The following CRELD2 variants were observed in gnomAD, a reference collection of about 807,000 sequenced individuals.
CRELD2 encodes the protein protein disulfide isomerase CRELD2.
Under a neutral mutation model 48.1 loss-of-function variants are expected in CRELD2, and 33 were observed. The observed-to-expected ratio is 0.69, with a 90% CI of 0.52 to 0.92. CRELD2 has a LOEUF of 0.92. CRELD2 is among the 40% of genes least tolerant of loss of function. CRELD2 has a pLI of 0.00. For synonymous variants in CRELD2, 220 were observed against 203.9 expected (o/e 1.08, Z -0.67); for missense variants, 477 against 482.4 (o/e 0.99, Z 0.10).
chr22:49,919,175 C>A (rs905187509), intron 1 of CRELD2, 55 bp from the exon 2 acceptor site: 84 of 1,565,054 alleles, frequency 5.4e-5, no homozygotes, highest in Admixed American at 1.0e-4. Context: ...GGCTCGCCCC[C>A]ACCCTGGACC....
chr22:49,919,804 C>T lies in CRELD2; in HGVS notation c.287C>T (p.Ala96Val), dbSNP rs149112831. 18,857 of 1,612,522 alleles carry T rather than the reference C, an allele frequency of 0.012. 370 individuals are homozygous for T. The highest frequency in any genetic ancestry group is 0.067 in the South Asian group (6,111 of 90,704). The change falls in exon 3 of 10, where the codon GCG (alanine) becomes GTG (valine). Residue 96 changes from alanine to valine, a missense_variant. Coordinates refer to ENST00000328268, the MANE Select transcript of CRELD2 (RefSeq NM_024324.5). ...SDFECNQMLE[A>V]QEEHLEAWWL... ...TTCGAATGCAATCAGATGCTAGAGG[C>T]GCAGGAGGAGCACCTGGAGGCCTGG...
chr22:49,923,063 C>A (rs992410605), intron 6 of CRELD2, 171 bp from the exon 7 acceptor site: 3 of 602,448 alleles, frequency 5.0e-6, no homozygotes, highest in Non-Finnish European at 8.7e-6. Context: ...TCCCCTGCCG[C>A]GTGGGGCCTC....
chr22:49,920,805 C>A (rs1448406975), intron 4 of CRELD2, among the ~76,000 whole-genome samples: 2 of 152,248 alleles, frequency 1.3e-5, no homozygotes, highest in Non-Finnish European at 2.9e-5. Context: ...GCAGAAGTTT[C>A]AGGTTCAGAC....
Position 49,925,484 on chromosome 22 carries a change from AG to A in CRELD2, c.939del (p.Ser314AlafsTer102), listed in dbSNP as rs751705166. The A allele has an allele frequency of 1.2e-5, 19 of 1,614,042 alleles. No individual in the cohort carries two copies. Among genetic ancestry groups the A allele is most frequent in the Non-Finnish European group, 1.5e-5 (18 of 1,180,014 alleles). The part of the protein sequence containing the change: ...RKNENCYNTP[G>X]SYVCVCPDGF... ...AAAACGAAAACTGCTACAATACTCC[AG>A]GGAGCTACGTCTGTGTGTGTCCTGA... is the stretch of plus-strand genomic sequence containing the variant. On this transcript the variant is annotated frameshift_variant, in exon 9 of 10. Transcript: ENST00000328268. LOFTEE classifies it high-confidence loss of function.
At chr22:49,919,978 T>G (rs2060664587) in intron 3 of CRELD2, 138 bp downstream of exon 3, 1 of 810,374 alleles carries the variant, frequency 1.2e-6, no homozygotes, top group African/African-American at 1.7e-5. Context: ...GCATTACCGT[T>G]TTTTATCACC....
Position 49,919,244 on chromosome 22 carries a change from C to T in CRELD2, c.144C>T (p.Thr48=). 6.2e-7 allele frequency: 1 copy of T among 1,613,710 alleles called. No individual in the cohort carries two copies. The highest frequency in any genetic ancestry group is 8.5e-7 in the Non-Finnish European group (1 of 1,179,984). The change falls in exon 2 of 10, where the codon ACC becomes ACT. Residue 48 remains threonine (T), a synonymous_variant. Transcript: ENST00000328268. ...TCTCCTCGCAGGGGATGGTGGACAC[C>T]GCAAAGAAGAACTTTGGCGGCGGGA... The part of the protein sequence containing the change: ...VDKFNQGMVD[T]AKKNFGGGNT...
Position 49,925,636 on chromosome 22 carries a change from T to C in CRELD2, c.1009+79T>C, listed in dbSNP as rs759361571. 21 of 1,592,766 alleles carry C rather than the reference T, an allele frequency of 1.3e-5. No homozygotes were observed. The East Asian group carries it at 4.3e-4, about 32-fold the overall frequency. On this transcript the variant is annotated intron_variant, in intron 9 of 9. Coordinates refer to ENST00000328268, the MANE Select transcript of CRELD2 (RefSeq NM_024324.5). ...TTGCACGTAGACTGGCTGCTTGGTC[T>C]GAAATCCACACAGATGGTGGCCTTG...
chr22:49,918,809 C>T lies in CRELD2; in HGVS notation c.40C>T (p.Leu14Phe), dbSNP rs1480913584. Residue 14 changes from leucine (L) to phenylalanine (F), a missense_variant, in exon 1 of 10, where the codon CTT becomes TTT. Leu to Phe is a conservative substitution (Grantham distance 22). Transcript: ENST00000328268. ...CCGGGCCGCGCTGGGGCTCCTGCCG[C>T]TTCTGCTGCTGCTGCCGCCCGCGCC... is the stretch of plus-strand genomic sequence containing the variant. ...PRRAALGLLP[L>F]LLLLPPAPEA... 23 of 1,332,498 alleles carry T rather than the reference C, an allele frequency of 1.7e-5. No homozygotes were observed. In the African/African-American group the frequency reaches 1.8e-4, roughly 11 times the overall value. 82.5% of individuals were successfully genotyped at this position (1,332,498 alleles called of 1,614,324 possible). A position where few individuals can be genotyped will look rare whatever the true frequency, so the allele number is the denominator to read the frequency against.
rs200229316 is a variant in CRELD2 at position 49,920,143 on chromosome 22, C to T, written c.324-13C>T. 175 of 1,573,670 alleles carry T rather than the reference C, an allele frequency of 1.1e-4. No homozygotes were observed. The African/African-American group carries it at 2.2e-3, about 19-fold the overall frequency. On this transcript the variant is annotated splice_polypyrimidine_tract_variant and intron_variant, in intron 3 of 9. Coordinates refer to ENST00000328268, the MANE Select transcript of CRELD2 (RefSeq NM_024324.5). Reference sequence around the variant, plus strand: ...TCTGCTGGGATTCAGTGAATGTTTTCCTCCATCCTCAGGAAGAGCGAATAT... The same window carrying T: ...TCTGCTGGGATTCAGTGAATGTTTTTCTCCATCCTCAGGAAGAGCGAATAT...
chr22:49,923,637 G>T, intron 7 of CRELD2: 1 of 482,900 alleles, frequency 2.1e-6, no homozygotes, highest in Non-Finnish European at 3.8e-6. Flanking sequence ...TTTCCACTCA[G>T]CAGCTTGTTG....
At position 49,925,544 on chromosome 22, in the gene CRELD2, G is replaced by T; in HGVS notation, c.996G>T (p.Pro332=). Residue 332 remains proline, a synonymous_variant, in exon 9 of 10, where the codon CCG becomes CCT. Transcript: ENST00000328268. The part of the protein sequence containing the change: ...GFEETEDACV[P]PAEAEATEGE... ...AAGAAACGGAAGATGCCTGTGTGCC[G>T]CCGGCAGAGGCTGGTGAGTGGCACG... is the stretch of plus-strand genomic sequence containing the variant. 6.2e-7 allele frequency: 1 copy of T among 1,613,628 alleles called. No homozygotes were observed. The highest frequency in any genetic ancestry group is 8.5e-7 in the Non-Finnish European group (1 of 1,179,990).
intron 3 of CRELD2, 90 bp downstream of exon 3, chr22:49,919,930 T>A: frequency 9.5e-7 from 1 of 1,055,220 alleles, no homozygotes; most frequent in Non-Finnish European, 1.4e-6. Context: ...ACAGGAACAG[T>A]AGGGAGCTCC....
chr22:49,925,416 G>A lies in CRELD2; in HGVS notation c.869-1G>A. 3 of 1,586,086 alleles carry A rather than the reference G, an allele frequency of 1.9e-6. No homozygotes were observed. The highest frequency in any genetic ancestry group is 2.6e-6 in the Non-Finnish European group (3 of 1,159,478). The stretch of plus-strand genomic sequence containing the variant: ...ATTAAAACGGAGTCTTTTCATTTTA[G>A]ATGTGGACGAGTGCTCACTAGCAGA... On this transcript the variant is annotated splice_acceptor_variant, in intron 8 of 9. Transcript: ENST00000328268. LOFTEE classifies it high-confidence loss of function.
intron 4 of CRELD2, 185 bp from the exon 5 acceptor site, chr22:49,921,400 G>A: frequency 1.6e-6 from 1 of 636,306 alleles, no homozygotes; most frequent in East Asian, 2.8e-5. Flanking sequence ...GCTCCACTCA[G>A]GCGATCCACC....
chr22:49,919,335 G>T (rs1409328538), intron 2 of CRELD2, 23 bp downstream of exon 2: 1 of 1,604,878 alleles, frequency 6.2e-7, no homozygotes, highest in East Asian at 2.2e-5. Flanking sequence ...GAGCACCCCT[G>T]TGGGTCTTGG....
At position 49,923,879 on chromosome 22, in the gene CRELD2, A is replaced by T. The variant is rs538380887; in HGVS notation, c.773-481A>T. The T allele has an allele frequency of 1.7e-5, 4 of 241,718 alleles. No homozygotes were observed. In the East Asian group the frequency reaches 5.0e-4, roughly 30 times the overall value. The allele number at this position is 241,718 out of a possible 1,614,324, so 15.0% of individuals were successfully genotyped here. A position where few individuals can be genotyped will look rare whatever the true frequency, so the allele number is the denominator to read the frequency against. On this transcript the variant is annotated intron_variant, in intron 7 of 9. Transcript: ENST00000328268. ...TCTTTTAGAGCCATAGTGCCCCAGA[A>T]AAGTTGTGCTGATCCCCAGTCCCAG... is the stretch of plus-strand genomic sequence containing the variant.
rs563442675 is a variant in CRELD2, at chr22:49,921,694, G to A, written c.525G>A (p.Pro175=). ...SCRCHMGYQG[P]LCTDCMDGYF... The stretch of plus-strand genomic sequence containing the variant: ...GGTGCCACATGGGGTACCAGGGCCC[G>A]CTGTGCACTGACTGCATGGACGGCT... The change falls in exon 5 of 10, where the codon CCG becomes CCA. Residue 175 remains proline, a synonymous_variant. Coordinates refer to ENST00000328268, the MANE Select transcript of CRELD2 (RefSeq NM_024324.5). 1.4e-4 allele frequency: 226 copies of A among 1,612,914 alleles called. 1 individual carries two copies. In the South Asian group the frequency reaches 1.8e-3, roughly 13 times the overall value.
chr22:49,920,282 G>C (rs199752594), intron 4 of CRELD2, 35 bp downstream of exon 4: 1 of 1,375,052 alleles, frequency 7.3e-7, no homozygotes, highest in East Asian at 2.3e-5. Context: ...CATCTCCTAC[G>C]TCACTTCCCC....
chr22:49,920,228 C>G lies in CRELD2; in HGVS notation c.396C>G (p.Thr132=). The stretch of plus-strand genomic sequence containing the variant: ...TGAAAGTGTGCTGCTCTCCAGGAAC[C>G]TACGGTCCCGACTGTCTCGGTGCGT... ...KTLKVCCSPG[T]YGPDCLACQG... The change falls in exon 4 of 10, where the codon ACC becomes ACG. Residue 132 remains threonine, a synonymous_variant. Coordinates refer to ENST00000328268, the MANE Select transcript of CRELD2 (RefSeq NM_024324.5). The G allele has an allele frequency of 6.2e-7, 1 of 1,612,078 alleles. No homozygotes were observed. The highest frequency in any genetic ancestry group is 8.5e-7 in the Non-Finnish European group (1 of 1,178,644).
Sources: allele counts gnomAD v4.1 joint callset (sites outside exome capture counted in the v4.1 genomes callset), GRCh38; gene constraint gnomAD v4.1.1; transcripts MANE v1.5; gene names NCBI Gene and HGNC (gene_info 2026-07-23, HGNC 2026-07-21).